GALNT13: variants seen among roughly 807,000 people sequenced by gnomAD.
The protein encoded by GALNT13 is polypeptide N-acetylgalactosaminyltransferase 13, also known as UDP-GalNAc:polypeptide N-acetylgalactosaminyltransferase 13.
Under a neutral mutation model 64.2 loss-of-function variants are expected in GALNT13, and 28 were observed. That is an observed-to-expected ratio of 0.44 (90% CI 0.32 to 0.60). GALNT13 has a LOEUF of 0.60. Among genes scored for constraint, GALNT13 ranks in the 20% least tolerant of loss-of-function variants. The pLI, the probability that GALNT13 is intolerant of heterozygous loss-of-function variation, is 0.05. For synonymous variants in GALNT13, 214 were observed against 224.6 expected (o/e 0.95, Z 0.42); for missense variants, 577 against 669.8 (o/e 0.86, Z 1.53).
At chr2:154,204,727 C>T (rs547822870) in intron 4 of GALNT13, among the ~76,000 whole-genome samples, 51 of 152,304 alleles carry the variant, frequency 3.3e-4, no homozygotes, top group Middle Eastern at 3.4e-3. Flanking sequence ...TTTTCTGCCT[C>T]TTCCCTTTGT....
intron 3 of GALNT13, among the ~76,000 whole-genome samples, chr2:154,003,672 T>C (rs576844402): frequency 6.6e-5 from 10 of 152,176 alleles, no homozygotes; most frequent in Admixed American, 3.9e-4. Flanking sequence ...ATCCCCAATG[T>C]TGGAGATTGG....
chr2:154,287,519 A>T (rs1486596956), intron 8 of GALNT13: 5 of 256,872 alleles, frequency 1.9e-5, no homozygotes, highest in Admixed American at 4.4e-5. Flanking sequence ...AGATTGGATG[A>T]TTTCCAAATG....
At chr2:153,909,901 G>GTGTCAC (rs1312654819) in intron 2 of GALNT13, among the ~76,000 whole-genome samples, 1 of 152,018 alleles carries the variant, frequency 6.6e-6, no homozygotes, top group East Asian at 1.9e-4. Context: ...TCTTTTGGTT[G>GTGTCAC]TGTCACTGCA....
chr2:153,737,734 A>G, the GALNT13 span, among the ~76,000 whole-genome samples: 2 of 152,048 alleles, frequency 1.3e-5, no homozygotes, highest in African/African-American at 4.8e-5. Flanking sequence ...AGAGCAGAAA[A>G]CAGGACTCAG....
the GALNT13 span, among the ~76,000 whole-genome samples, chr2:153,750,056 C>A: frequency 6.6e-6 from 1 of 151,784 alleles, no homozygotes; most frequent in Non-Finnish European, 1.5e-5. Context: ...TGAATTTTAT[C>A]AAATTCCTTT....
chr2:154,096,945 G>A (rs1029562644), intron 3 of GALNT13, among the ~76,000 whole-genome samples: 11 of 151,920 alleles, frequency 7.2e-5, no homozygotes, highest in African/African-American at 2.7e-4. Flanking sequence ...GGGTATTTTT[G>A]TCCTTTGGGA....
chr2:154,211,085 A>G (rs527852936), intron 4 of GALNT13, among the ~76,000 whole-genome samples: 2 of 151,578 alleles, frequency 1.3e-5, no homozygotes, highest in East Asian at 3.9e-4. Flanking sequence ...AGGGCTTTAT[A>G]TAGAAATGTG....
At chr2:154,383,651 T>C (rs1444180762) in intron 9 of GALNT13, among the ~76,000 whole-genome samples, 3 of 151,960 alleles carry the variant, frequency 2.0e-5, no homozygotes, top group Admixed American at 2.0e-4. Context: ...GCTGACTAAA[T>C]ACAGACTAGA....
chr2:153,872,168 G>T lies in GALNT13; in HGVS notation c.-312G>T, dbSNP rs1461117296. ...GCGCGCGGCGCTCGCGGGCCGGCGC[G>T]GGTTCCAGGTGAGCGCGGACTCGGC... On this transcript the variant is annotated 5_prime_UTR_variant, in exon 1 of 13. Coordinates refer to ENST00000392825, the MANE Select transcript of GALNT13 (RefSeq NM_052917.4). The T allele has an allele frequency of 1.3e-5, 2 of 150,772 alleles. No homozygotes were observed. The highest frequency in any genetic ancestry group is 1.3e-4 in the Admixed American group (2 of 15,148). The allele number at this position is 150,772 out of a possible 1,614,324, so 9.3% of individuals were successfully genotyped here.
the GALNT13 span, among the ~76,000 whole-genome samples, chr2:153,700,081 C>T: frequency 1.2e-4 from 19 of 152,108 alleles, no homozygotes; most frequent in Admixed American, 5.2e-4. Flanking sequence ...TGGATACCAA[C>T]GCAAAAATCC....
intron 1 of GALNT13, among the ~76,000 whole-genome samples, chr2:153,895,576 A>G (rs560635754): frequency 3.9e-4 from 59 of 152,256 alleles, no homozygotes; most frequent in African/African-American, 1.3e-3. Flanking sequence ...ATGCAGAACT[A>G]GGGTCAAGTT....
rs556846466 is a variant in GALNT13 at position 154,079,285 on chromosome 2, G to GA, written c.143-61048dup. ...ATGGGATATCATTAAAAAGCTTTTAGAAAAGGAAATTCTTATGGGGTACAC... is the reference window on the plus strand; with the variant it reads ...ATGGGATATCATTAAAAAGCTTTTAGAAAAAGGAAATTCTTATGGGGTACAC... On this transcript the variant is annotated intron_variant, in intron 3 of 12. Coordinates refer to ENST00000392825, the MANE Select transcript of GALNT13 (RefSeq NM_052917.4). Among the ~76,000 whole-genome samples the GA allele has an allele frequency of 4.7e-4, 72 of 151,658 alleles. 1 individual carries two copies. Among genetic ancestry groups the GA allele is most frequent in the Non-Finnish European group, 8.9e-4 (60 of 67,712 alleles).
the GALNT13 span, among the ~76,000 whole-genome samples, chr2:153,628,985 T>C: frequency 2.0e-5 from 3 of 152,132 alleles, no homozygotes; most frequent in Non-Finnish European, 4.4e-5. Context: ...CTGGACTCTT[T>C]TTGGTTGGTA....
intron 9 of GALNT13, among the ~76,000 whole-genome samples, chr2:154,316,739 T>C (rs889661986): frequency 2.0e-5 from 3 of 152,146 alleles, no homozygotes; most frequent in Non-Finnish European, 4.4e-5. Context: ...AGTCCCAGTG[T>C]GGGGGTCTTA....
chr2:153,859,798 T>C, the GALNT13 span, among the ~76,000 whole-genome samples: 13 of 152,150 alleles, frequency 8.5e-5, no homozygotes, highest in Non-Finnish European at 1.2e-4. Context: ...AAGTTATCAC[T>C]TCTATACTTT....
chr2:154,279,719 G>A (rs1398829872), intron 8 of GALNT13, among the ~76,000 whole-genome samples: 1 of 152,096 alleles, frequency 6.6e-6, no homozygotes, highest in East Asian at 1.9e-4. Flanking sequence ...AAAGCAATAT[G>A]CCAAATGTTG....
At chr2:154,023,930 A>G (rs1397505966) in intron 3 of GALNT13, among the ~76,000 whole-genome samples, 2 of 152,220 alleles carry the variant, frequency 1.3e-5, no homozygotes, top group African/African-American at 2.4e-5. Flanking sequence ...TCTGTAAAGT[A>G]TTTTATTTCT....
At chr2:153,317,042 CT>C in the GALNT13 span, among the ~76,000 whole-genome samples, 2 of 152,110 alleles carry the variant, frequency 1.3e-5, no homozygotes, top group African/African-American at 2.4e-5. Context: ...GTCAACTTAT[CT>C]TTTTTTGCCT....
the GALNT13 span, among the ~76,000 whole-genome samples, chr2:153,652,923 CTT>C: frequency 6.6e-6 from 1 of 151,810 alleles, no homozygotes; most frequent in Non-Finnish European, 1.5e-5. Context: ...TTTAAAAAAA[CTT>C]AGATGTAGCT....
Sources: gnomAD v4.1 joint callset for allele counts (sites outside exome capture counted in the v4.1 genomes callset) on GRCh38, gnomAD v4.1.1 for gene constraint, MANE v1.5 for transcripts, NCBI Gene and HGNC (gene_info 2026-07-23, HGNC 2026-07-21) for gene names.